CDH13: variants seen among roughly 807,000 people sequenced by gnomAD.
CDH13 encodes the protein cadherin-13.
A neutral mutation model predicts 63.8 loss-of-function variants in CDH13; 24 were observed. The observed-to-expected ratio is 0.38, with a 90% CI of 0.27 to 0.53. The LOEUF (loss-of-function observed/expected upper bound fraction) is 0.53. Among genes scored for constraint, CDH13 ranks in the 20% least tolerant of loss-of-function variants. The pLI, the probability that CDH13 is intolerant of heterozygous loss-of-function variation, is 0.85. For synonymous variants in CDH13, 503 were observed against 355.3 expected (o/e 1.42, Z -4.67); for missense variants, 1,049 against 903.1 (o/e 1.16, Z -2.07).
chr16:82,761,257 A>G (rs548298735), intron 1 of CDH13, among the ~76,000 whole-genome samples: 27 of 151,798 alleles, frequency 1.8e-4, no homozygotes, highest in Admixed American at 5.9e-4. Context: ...ACCTCAGGTG[A>G]TCTGCCCTCC....
chr16:82,643,031 A>T (rs986789622), intron 1 of CDH13, among the ~76,000 whole-genome samples: 53 of 152,228 alleles, frequency 3.5e-4, no homozygotes, highest in African/African-American at 1.0e-3. Flanking sequence ...AGCAGATTAG[A>T]AGATGTCTAG....
In CDH13 at chr16:83,336,798, G is replaced by A. The variant is rs1478363292; in HGVS notation, c.637-8064G>A. Among the ~76,000 whole-genome samples the A allele has an allele frequency of 2.6e-5, 4 of 152,300 alleles. No individual in the cohort carries two copies. The East Asian group carries it at 7.7e-4, about 29-fold the overall frequency. On this transcript the variant is annotated intron_variant, in intron 5 of 13. Transcript: ENST00000567109. ...GGACTGTGTGTCATGCTTTGTTTCT[G>A]ATTCTGTTGATCTAGATTTTGCATG...
intron 6 of CDH13, among the ~76,000 whole-genome samples, chr16:83,452,117 G>A (rs533254587): frequency 2.0e-5 from 3 of 152,262 alleles, no homozygotes; most frequent in East Asian, 1.9e-4. Flanking sequence ...GATACATTTC[G>A]ATTCAAAGTT....
chr16:83,128,145 A>C (rs2035892491), intron 4 of CDH13, among the ~76,000 whole-genome samples: 1 of 152,230 alleles, frequency 6.6e-6, no homozygotes, highest in Admixed American at 6.5e-5. Flanking sequence ...CTTAAAATGC[A>C]GATGTCAGGG....
chr16:83,068,681 C>T (rs970753311), intron 3 of CDH13, among the ~76,000 whole-genome samples: 1 of 152,050 alleles, frequency 6.6e-6, no homozygotes, highest in South Asian at 2.1e-4. Flanking sequence ...AAAAAATATG[C>T]CCCACAGCTC....
intron 7 of CDH13, among the ~76,000 whole-genome samples, chr16:83,520,284 A>G (rs2074799526): frequency 1.3e-5 from 2 of 152,244 alleles, no homozygotes; most frequent in East Asian, 3.9e-4. Flanking sequence ...TACATTTTGT[A>G]TGATTCCATC....
At chr16:83,138,666 T>C (rs140998618) in intron 4 of CDH13, among the ~76,000 whole-genome samples, 1 of 152,326 alleles carries the variant, frequency 6.6e-6, no homozygotes, top group African/African-American at 2.4e-5. Context: ...GACCTTTTTC[T>C]ACGGATGACT....
intron 3 of CDH13, among the ~76,000 whole-genome samples, chr16:83,065,458 A>G (rs2031927829): frequency 6.6e-6 from 1 of 152,168 alleles, no homozygotes; most frequent in African/African-American, 2.4e-5. Context: ...TAATCCCAAC[A>G]CTTTGGAAGG....
At chr16:82,928,986 A>G (rs1252747441) in intron 2 of CDH13, among the ~76,000 whole-genome samples, 4 of 152,142 alleles carry the variant, frequency 2.6e-5, no homozygotes, top group Admixed American at 6.5e-5. Context: ...ATTATATTCA[A>G]TTTTTGCCTG....
At chr16:83,013,385 G>A (rs1310210779) in intron 2 of CDH13, among the ~76,000 whole-genome samples, 2 of 152,204 alleles carry the variant, frequency 1.3e-5, no homozygotes, top group East Asian at 1.9e-4. Context: ...CCTGGATTCA[G>A]CATCTCAGTT....
At chr16:83,411,451 T>C (rs537317523) in intron 6 of CDH13, among the ~76,000 whole-genome samples, 1 of 152,362 alleles carries the variant, frequency 6.6e-6, no homozygotes, top group Admixed American at 6.5e-5. Context: ...GCATGGGCCT[T>C]GTCTCTCTTG....
intron 7 of CDH13, among the ~76,000 whole-genome samples, chr16:83,515,199 C>A (rs868827277): frequency 1.3e-5 from 2 of 152,196 alleles, no homozygotes; most frequent in Admixed American, 6.5e-5. Context: ...AGGACTCATG[C>A]CTCAGCTGGG....
chr16:83,112,599 G>T (rs2035110269), intron 3 of CDH13, among the ~76,000 whole-genome samples: 2 of 152,050 alleles, frequency 1.3e-5, no homozygotes, highest in Admixed American at 6.6e-5. Context: ...CTTCCTTTTT[G>T]TTAGTTTCCC....
chr16:83,180,902 C>G (rs1288261870), intron 4 of CDH13: 1 of 1,531,804 alleles, frequency 6.5e-7, no homozygotes, highest in Non-Finnish European at 8.7e-7. Flanking sequence ...GCGAACTTCT[C>G]TTGAATGAAG....
At chr16:82,742,175 A>G (rs2033961262) in intron 1 of CDH13, among the ~76,000 whole-genome samples, 2 of 152,210 alleles carry the variant, frequency 1.3e-5, no homozygotes, top group Non-Finnish European at 2.9e-5. Context: ...GAGCACAAGA[A>G]ATGAGAATCT....
At chr16:83,314,321 A>G (rs2090061239) in intron 5 of CDH13, among the ~76,000 whole-genome samples, 1 of 152,160 alleles carries the variant, frequency 6.6e-6, no homozygotes, top group Non-Finnish European at 1.5e-5. Context: ...CTTAATGGGT[A>G]ACAGCTGATT....
intron 5 of CDH13, among the ~76,000 whole-genome samples, chr16:83,280,634 G>C (rs2161723): frequency 0.19 from 28,509 of 152,170 alleles, 2,857 homozygotes; most frequent in African/African-American, 0.26. Flanking sequence ...AAGGTTTTCA[G>C]TTTACTTTGC....
intron 4 of CDH13, among the ~76,000 whole-genome samples, chr16:83,139,904 A>T (rs893497429): frequency 2.6e-5 from 4 of 152,130 alleles, no homozygotes; most frequent in African/African-American, 9.7e-5. Flanking sequence ...CTGGAGGCTG[A>T]GGCAGGAGAA....
intron 4 of CDH13, among the ~76,000 whole-genome samples, chr16:83,180,162 G>T (rs62036637): frequency 2.3e-5 from 3 of 133,056 alleles, no homozygotes; most frequent in South Asian, 2.3e-4. Flanking sequence ...TTGTTGGTTT[G>T]TTTGTTTGTT....
Sources: allele counts gnomAD v4.1 joint callset (sites outside exome capture counted in the v4.1 genomes callset), GRCh38; gene constraint gnomAD v4.1.1; transcripts MANE v1.5; gene names NCBI Gene and HGNC (gene_info 2026-07-23, HGNC 2026-07-21).